Variants in MEIG1 observed in about 807,000 individuals in gnomAD.
MEIG1 encodes meiosis/spermiogenesis associated 1, also known as meiosis expressed gene 1 protein homolog.
A neutral mutation model predicts 11.3 loss-of-function variants in MEIG1; 12 were observed. The observed-to-expected ratio is 1.07, with a 90% CI of 0.68 to 1.73. MEIG1 has a LOEUF of 1.73. Ranked by LOEUF, MEIG1 falls within the 40% of genes most tolerant of loss-of-function variation. The pLI, the probability that MEIG1 is intolerant of heterozygous loss-of-function variation, is 0.00. For synonymous variants in MEIG1, 41 were observed against 33.2 expected, an observed-to-expected ratio of 1.24 and a Z score of -0.81; for missense variants, 119 against 104.9, an observed-to-expected ratio of 1.13 and a Z score of -0.59.
In MEIG1 at chr10:14,984,755, T is replaced by C. The variant is rs200850325; in HGVS notation, n.67-2041T>C. ...GTGACTTTTAATGTCACAGAGGTTG[T>C]ACACCTTGTGAAATTATTCGTTATA... is the stretch of plus-strand genomic sequence containing the variant. On this transcript the variant is annotated intron_variant and non_coding_transcript_variant, in intron 1 of 2. Coordinates refer to the MEIG1 transcript ENST00000467536. Among the ~76,000 whole-genome samples, 5 of 152,142 alleles carry C rather than the reference T, an allele frequency of 3.3e-5. No individual in the cohort carries two copies. The East Asian group carries it at 9.6e-4, about 29-fold the overall frequency.
chr10:14,986,222 G>A (rs777150040), intron 1 of MEIG1, among the ~76,000 whole-genome samples: 2 of 152,172 alleles, frequency 1.3e-5, no homozygotes, highest in African/African-American at 2.4e-5. Context: ...CTACTCGGGA[G>A]GTGGAGGCAG....
downstream of MEIG1, among the ~76,000 whole-genome samples, chr10:14,973,783 A>AAAAAAG (rs1406510889): frequency 6.7e-6 from 1 of 150,164 alleles, no homozygotes; most frequent in African/African-American, 2.5e-5. Flanking sequence ...AAAAAAAAAA[A>AAAAAAG]AAAGAAAACT....
chr10:14,979,373 A>AG (rs1843241790), intron 1 of MEIG1, among the ~76,000 whole-genome samples: 2 of 152,054 alleles, frequency 1.3e-5, no homozygotes, highest in African/African-American at 4.8e-5. Context: ...GGAATATTCC[A>AG]GGGGGATGTT....
chr10:14,985,971 G>C (rs529468927), intron 1 of MEIG1, among the ~76,000 whole-genome samples: 9 of 152,062 alleles, frequency 5.9e-5, no homozygotes, highest in Non-Finnish European at 1.2e-4. Flanking sequence ...ATATCACACA[G>C]TGTGCACACC....
At chr10:14,963,052 G>GT (rs35998377) in intron 1 of MEIG1, among the ~76,000 whole-genome samples, 97,305 of 150,306 alleles carry the variant, frequency 0.65, 31,487 homozygotes, top group Middle Eastern at 0.7. Flanking sequence ...GTGAGCCACC[G>GT]TCCTGTCCTG....
downstream of MEIG1, among the ~76,000 whole-genome samples, chr10:14,973,367 C>G (rs1028824908): frequency 3.9e-5 from 6 of 152,202 alleles, no homozygotes; most frequent in Non-Finnish European, 8.8e-5. Flanking sequence ...AGGTCTTTCT[C>G]TTGCCCCTGG....
At chr10:14,981,566 C>G (rs535061636) in intron 1 of MEIG1, among the ~76,000 whole-genome samples, 1 of 152,178 alleles carries the variant, frequency 6.6e-6, no homozygotes, top group Admixed American at 6.5e-5. Flanking sequence ...TGTTCAGCAC[C>G]GGTATCTACA....
At chr10:14,984,686 G>A (rs1843300665) in intron 1 of MEIG1, among the ~76,000 whole-genome samples, 1 of 152,096 alleles carries the variant, frequency 6.6e-6, no homozygotes, top group African/African-American at 2.4e-5. Flanking sequence ...TCTTATCACA[G>A]AGGGTGTACA....
intron 1 of MEIG1, among the ~76,000 whole-genome samples, chr10:14,962,922 C>A (rs572201733): frequency 1.3e-5 from 2 of 151,714 alleles, no homozygotes; most frequent in East Asian, 3.9e-4. Context: ...CGCCACCATG[C>A]CTGGCTAATT....
At chr10:14,974,316 AC>A (rs199640822), downstream of MEIG1, among the ~76,000 whole-genome samples, 5,503 of 152,252 alleles carry the variant, frequency 0.036, 178 homozygotes, top group Middle Eastern at 0.078. Context: ...AACATGAGCA[AC>A]CGGTGGCAAT....
Position 14,987,248 on chromosome 10 carries a change from A to G in MEIG1, n.285+234A>G. On this transcript the variant is annotated intron_variant and non_coding_transcript_variant, in intron 2 of 2. Coordinates refer to the MEIG1 transcript ENST00000467536. ...GTCAGCCCAGCACAGGTTGGAGAGGAAGAAGTACATGGGGGTATGGAGGGG... is the reference window on the plus strand; with the variant it reads ...GTCAGCCCAGCACAGGTTGGAGAGGGAGAAGTACATGGGGGTATGGAGGGG... The G allele has an allele frequency of 3.3e-6, 3 of 917,650 alleles. No individual in the cohort carries two copies. The Admixed American group carries it at 5.4e-5, about 17-fold the overall frequency. The allele number at this position is 917,650 out of a possible 1,614,324, so 56.8% of individuals were successfully genotyped here.
chr10:14,980,774 A>T (rs1843255310), intron 1 of MEIG1, among the ~76,000 whole-genome samples: 2 of 152,186 alleles, frequency 1.3e-5, no homozygotes, highest in Non-Finnish European at 2.9e-5. Flanking sequence ...AAGTGTACTG[A>T]GTAGTGACAC....
chr10:14,967,244 G>C (rs1843096409), intron 2 of MEIG1, among the ~76,000 whole-genome samples: 1 of 151,964 alleles, frequency 6.6e-6, no homozygotes, highest in Non-Finnish European at 1.5e-5. Flanking sequence ...CAGTATGTTG[G>C]GTAACTATTA....
chr10:14,977,055 G>A (rs906236050), downstream of MEIG1, among the ~76,000 whole-genome samples: 1 of 151,906 alleles, frequency 6.6e-6, no homozygotes, highest in South Asian at 2.1e-4. Flanking sequence ...ATGTCCTAGC[G>A]CAATTTTACT....
chr10:14,985,300 A>G (rs973588590), intron 1 of MEIG1, among the ~76,000 whole-genome samples: 9 of 151,920 alleles, frequency 5.9e-5, no homozygotes, highest in Non-Finnish European at 5.9e-5. Context: ...TCCTGGCGGG[A>G]TGTTACTACT....
chr10:14,974,858 T>A (rs1843194345), downstream of MEIG1, among the ~76,000 whole-genome samples: 1 of 152,052 alleles, frequency 6.6e-6, no homozygotes, highest in Non-Finnish European at 1.5e-5. Flanking sequence ...GAGCAATGAT[T>A]TCTTAATATT....
Position 14,972,656 on chromosome 10 carries a change from A to G in MEIG1, c.*15A>G, listed in dbSNP as rs758242692. 27 of 1,574,390 alleles carry G rather than the reference A, an allele frequency of 1.7e-5. No homozygotes were observed. Among genetic ancestry groups the G allele is most frequent in the Non-Finnish European group, 2.3e-5 (27 of 1,161,360 alleles). On this transcript the variant is annotated 3_prime_UTR_variant, in exon 3 of 3. Coordinates refer to ENST00000407572, the MANE Select transcript of MEIG1 (RefSeq NM_001080836.3). ...ATGCTTACTAGCCTGTCTTCTTTGT[A>G]TTACTTGTCAATTATATTTTAAGTA... is the stretch of plus-strand genomic sequence containing the variant.
chr10:14,958,314 T>C (rs755037309), upstream of MEIG1, among the ~76,000 whole-genome samples: 1 of 152,248 alleles, frequency 6.6e-6, no homozygotes, highest in Non-Finnish European at 1.5e-5. Context: ...GTTTTTTGTT[T>C]TTAGTTTTAC....
At chr10:14,977,662 C>T (rs371973963), downstream of MEIG1, among the ~76,000 whole-genome samples, 2 of 151,314 alleles carry the variant, frequency 1.3e-5, no homozygotes, top group African/African-American at 4.9e-5. Context: ...GTGGGTGTAC[C>T]CCATGTGGGT....
Sources: allele counts gnomAD v4.1 joint callset (sites outside exome capture counted in the v4.1 genomes callset), GRCh38; gene constraint gnomAD v4.1.1; transcripts MANE v1.5; gene names NCBI Gene and HGNC (gene_info 2026-07-23, HGNC 2026-07-21).